Variants in RPN1 observed in about 807,000 individuals in gnomAD.
RPN1 encodes dolichyl-diphosphooligosaccharide--protein glycosyltransferase subunit 1.
In RPN1, 12 loss-of-function variants were observed where a neutral mutation model predicts 55.5. The ratio of observed to expected loss-of-function variants is 0.22; its 90% CI spans 0.14 to 0.35. The LOEUF is 0.35. Ranked by LOEUF, RPN1 falls within the 10% of genes least tolerant of loss-of-function variation. The pLI, the probability that RPN1 is intolerant of heterozygous loss-of-function variation, is 1.00. For synonymous variants in RPN1, 317 were observed against 305.9 expected (o/e 1.04, Z -0.38); for missense variants, 679 against 761.3 (o/e 0.89, Z 1.27).
intron 5 of RPN1, among the ~76,000 whole-genome samples, chr3:128,628,302 A>G (rs1365561031): frequency 6.6e-6 from 1 of 152,214 alleles, no homozygotes; most frequent in African/African-American, 2.4e-5. Flanking sequence ...CAGAAAAAAA[A>G]AAAAGAAAAA....
intron 2 of RPN1, chr3:128,642,171 T>G (rs1157345513): frequency 6.6e-6 from 1 of 152,174 alleles, no homozygotes; most frequent in Non-Finnish European, 1.5e-5. Context: ...GAGAAAGCAA[T>G]TTTAATAGCG....
chr3:128,629,791 T>C (rs2069628524), intron 5 of RPN1, among the ~76,000 whole-genome samples, 160 bp downstream of exon 5: 1 of 152,212 alleles, frequency 6.6e-6, no homozygotes, highest in South Asian at 2.1e-4. Context: ...ACTTTTACAA[T>C]ACTAACTCGT....
intron 6 of RPN1, 70 bp downstream of exon 6, chr3:128,626,662 GC>G: frequency 7.5e-7 from 1 of 1,328,258 alleles, no homozygotes; most frequent in Non-Finnish European, 1.1e-6. Flanking sequence ...TAGAACATAG[GC>G]TCTCCTTAGG....
chr3:128,628,662 C>T (rs796772299), intron 5 of RPN1, among the ~76,000 whole-genome samples: 1 of 106,748 alleles, frequency 9.4e-6, no homozygotes, highest in Non-Finnish European at 2.1e-5. Context: ...GCAATCCTCC[C>T]ACCTCAGCCT....
intron 1 of RPN1, among the ~76,000 whole-genome samples, chr3:128,648,154 G>A (rs1313861701): frequency 1.3e-5 from 2 of 152,160 alleles, no homozygotes; most frequent in Non-Finnish European, 2.9e-5. Context: ...AGCACTTTGG[G>A]AGGCCGAGGT....
At position 128,637,973 on chromosome 3, in the gene RPN1, A is replaced by G; in HGVS notation, c.459T>C (p.Phe153=). The part of the protein sequence containing the change: ...PTQITQSEKQ[F]VVFEGNHYFY... Reference sequence around the variant, plus strand: ...AATAATGGTTCCCCTCAAACACCACAAACTGTTTCTCTGACTGGGTGATCT... The same window carrying G: ...AATAATGGTTCCCCTCAAACACCACGAACTGTTTCTCTGACTGGGTGATCT... Residue 153 remains phenylalanine, a synonymous_variant, in exon 3 of 10, where the codon TTT becomes TTC. Transcript: ENST00000296255. 1.2e-6 allele frequency: 2 copies of G among 1,614,088 alleles called. No homozygotes were observed. The highest frequency in any genetic ancestry group is 2.2e-5 in the East Asian group (1 of 44,900).
At chr3:128,635,108 T>C (rs2069667445) in intron 3 of RPN1, among the ~76,000 whole-genome samples, 1 of 151,976 alleles carries the variant, frequency 6.6e-6, no homozygotes, top group African/African-American at 2.4e-5. Flanking sequence ...AGAGACCCTC[T>C]CTCTCCCCAA....
intron 2 of RPN1, 132 bp from the exon 3 acceptor site, chr3:128,638,237 T>C (rs1009522516): frequency 1.5e-6 from 1 of 656,684 alleles, no homozygotes; most frequent in Non-Finnish European, 2.6e-6. Flanking sequence ...CCTTTTCCTT[T>C]TTGAGATGGA....
chr3:128,642,433 C>T (rs3122175), intron 2 of RPN1: 92,937 of 152,026 alleles, frequency 0.61, 28,561 homozygotes, highest in East Asian at 0.77. Flanking sequence ...GTGGCTGATA[C>T]CTGTAATCCT....
At chr3:128,649,063 G>GT (rs1294954666) in intron 1 of RPN1, among the ~76,000 whole-genome samples, 2 of 152,144 alleles carry the variant, frequency 1.3e-5, no homozygotes, top group African/African-American at 4.8e-5. Context: ...CAGTAAGAAA[G>GT]TATCTTACCA....
At chr3:128,643,998 A>G (rs2069747950) in intron 2 of RPN1, among the ~76,000 whole-genome samples, 1 of 152,168 alleles carries the variant, frequency 6.6e-6, no homozygotes, top group South Asian at 2.1e-4. Context: ...TGAGCAAACA[A>G]CTATGCAAGT....
intron 3 of RPN1, among the ~76,000 whole-genome samples, chr3:128,635,093 G>A (rs1365164077): frequency 6.6e-6 from 1 of 151,984 alleles, no homozygotes; most frequent in African/African-American, 2.4e-5. Flanking sequence ...CACAACAGGA[G>A]GCACAGAGAC....
rs1559756607 is a variant in RPN1 at position 128,637,955 on chromosome 3, G to A, written c.477C>T (p.Asn159=). 2 of 1,614,236 alleles carry A rather than the reference G, an allele frequency of 1.2e-6. No individual in the cohort carries two copies. Among genetic ancestry groups the A allele is most frequent in the Non-Finnish European group, 1.7e-6 (2 of 1,180,052 alleles). Residue 159 remains asparagine, a synonymous_variant, in exon 3 of 10, where the codon AAC becomes AAT. Transcript: ENST00000296255. ...TTGGATAGGGAGAGTAGAAATAATG[G>A]TTCCCCTCAAACACCACAAACTGTT... ...SEKQFVVFEG[N]HYFYSPYPTK... is the part of the protein sequence containing the mutation.
At chr3:128,638,923 G>A (rs895332343) in intron 2 of RPN1, among the ~76,000 whole-genome samples, 2 of 151,728 alleles carry the variant, frequency 1.3e-5, no homozygotes, top group Non-Finnish European at 2.9e-5. Context: ...CCAAGATAGC[G>A]CCACTACACT....
chr3:128,630,193 G>C (rs1224878422), intron 4 of RPN1, 50 bp from the exon 5 acceptor site: 1 of 1,318,892 alleles, frequency 7.6e-7, no homozygotes, highest in Non-Finnish European at 1.1e-6. Flanking sequence ...CCAGCTGAGA[G>C]GAAATGATCC....
chr3:128,649,678 C>T (rs904909594), intron 1 of RPN1, among the ~76,000 whole-genome samples: 1 of 152,188 alleles, frequency 6.6e-6, no homozygotes, highest in Non-Finnish European at 1.5e-5. Flanking sequence ...TATGTACATT[C>T]CCTTTACTCC....
At chr3:128,626,373 T>C (rs960204921) in intron 6 of RPN1, among the ~76,000 whole-genome samples, 1 of 152,190 alleles carries the variant, frequency 6.6e-6, no homozygotes, top group Non-Finnish European at 1.5e-5. Flanking sequence ...CACGAGCTGT[T>C]CTGAATGTTC....
At chr3:128,645,034 T>G (rs1284127358) in intron 1 of RPN1, 51 bp from the exon 2 acceptor site, 1 of 1,083,214 alleles carries the variant, frequency 9.2e-7, no homozygotes, top group African/African-American at 1.5e-5. Context: ...CTTCTAAATT[T>G]TGAGTCAATA....
chr3:128,637,920 T>G lies in RPN1; in HGVS notation c.512A>C (p.Gln171Pro), dbSNP rs1451623554. Residue 171 changes from glutamine to proline, a missense_variant, in exon 3 of 10, where the codon CAA becomes CCA. Around this residue, in one of 3 missense-constraint regions of RPN1, gnomAD observed 352 missense variants for 352.8 expected, o/e 1.00. Coordinates refer to ENST00000296255, the MANE Select transcript of RPN1 (RefSeq NM_002950.4). ...YFYSPYPTKT[Q>P]TMRVKLASRN... is the part of the protein sequence containing the mutation. ...AGAGGCAAGCTTCACACGCATGGTT[T>G]GTGTCTTCGTTGGATAGGGAGAGTA... is the stretch of plus-strand genomic sequence containing the variant. 6.2e-7 allele frequency: 1 copy of G among 1,614,258 alleles called. No homozygotes were observed. Among genetic ancestry groups the G allele is most frequent in the South Asian group, 1.1e-5 (1 of 91,088 alleles).
Sources: gnomAD v4.1 joint callset for allele counts (sites outside exome capture counted in the v4.1 genomes callset) on GRCh38, gnomAD v4.1.1 for gene constraint, gnomAD v4.1.1 regional missense constraint, MANE v1.5 for transcripts, NCBI Gene and HGNC (gene_info 2026-07-23, HGNC 2026-07-21) for gene names.